Variants in ZNF726 observed in about 807,000 individuals in gnomAD.
ZNF726 encodes the protein zinc finger protein 92 pseudogene 3.
In ZNF726, 15 loss-of-function variants were observed where a neutral mutation model predicts 11.6. The ratio of observed to expected loss-of-function variants is 1.29; its 90% CI spans 0.86 to 1.99. The LOEUF is 1.99. ZNF726 is among the 30% of genes most tolerant of loss of function. ZNF726 has a pLI of 0.00. For synonymous variants in ZNF726, 295 were observed against 243.6 expected (o/e 1.21, Z -1.96); for missense variants, 890 against 725.6 (o/e 1.23, Z -2.60).
intron 3 of ZNF726, among the ~76,000 whole-genome samples, chr19:23,926,534 C>T (rs1449010733): frequency 2.1e-5 from 3 of 145,624 alleles, no homozygotes; most frequent in Middle Eastern, 3.6e-3. Context: ...ACCTGGGCTG[C>T]ACTCCAGCCT....
chr19:23,924,638 A>C (rs1967938946), intron 3 of ZNF726, among the ~76,000 whole-genome samples: 1 of 152,186 alleles, frequency 6.6e-6, no homozygotes, highest in African/African-American at 2.4e-5. Flanking sequence ...CTGTAAAACC[A>C]GGATTTTGAG....
At chr19:23,931,739 AAG>A (rs1968110389) in intron 3 of ZNF726, among the ~76,000 whole-genome samples, 1 of 152,130 alleles carries the variant, frequency 6.6e-6, no homozygotes, top group Non-Finnish European at 1.5e-5. Context: ...GTTTTTAGTT[AAG>A]AGAGTTTATT....
At chr19:23,931,765 A>G (rs557654777) in intron 3 of ZNF726, among the ~76,000 whole-genome samples, 3 of 152,236 alleles carry the variant, frequency 2.0e-5, no homozygotes, top group African/African-American at 2.4e-5. Flanking sequence ...ATTACTTTGT[A>G]GGAGTCAGTA....
intron 1 of ZNF726, among the ~76,000 whole-genome samples, chr19:23,917,493 GAAAAA>G (rs11297783): frequency 7.1e-6 from 1 of 139,920 alleles, no homozygotes; most frequent in African/African-American, 2.6e-5. Context: ...AAGAAAAAAA[GAAAAA>G]AAAAAAAAAT....
intron 3 of ZNF726, among the ~76,000 whole-genome samples, chr19:23,930,290 T>C (rs557837648): frequency 3.9e-5 from 6 of 152,324 alleles, no homozygotes; most frequent in South Asian, 4.1e-4. Flanking sequence ...GTTATTTTTT[T>C]CCCATATTCT....
intron 2 of ZNF726, 159 bp from the exon 3 acceptor site, chr19:23,919,824 AAAAT>A: frequency 2.1e-6 from 1 of 486,524 alleles, no homozygotes; most frequent in Non-Finnish European, 3.2e-6. Context: ...AAGAACCTAC[AAAAT>A]TAAAATATTC....
At chr19:23,934,924 T>C (rs1374888181), downstream of ZNF726, among the ~76,000 whole-genome samples, 2 of 152,202 alleles carry the variant, frequency 1.3e-5, no homozygotes, top group South Asian at 2.1e-4. Flanking sequence ...GCCAGCTGCT[T>C]AGGGGCATTT....
chr19:23,927,618 A>T (rs1012599224), intron 3 of ZNF726, among the ~76,000 whole-genome samples: 5 of 152,142 alleles, frequency 3.3e-5, no homozygotes, highest in African/African-American at 1.2e-4. Flanking sequence ...CAGTGTCTCC[A>T]GTAGTTGGGA....
At position 23,920,183 on chromosome 19, in the gene ZNF726, A is replaced by G. The variant is rs534540960; in HGVS notation, c.226+101A>G. 1.2e-4 allele frequency: 96 copies of G among 808,680 alleles called. No individual in the cohort carries two copies. In the Admixed American group the frequency reaches 2.4e-3, roughly 21 times the overall value. 50.1% of individuals were successfully genotyped at this position (808,680 alleles called of 1,614,324 possible). On this transcript the variant is annotated intron_variant, in intron 3 of 3. Coordinates refer to ENST00000594466, the MANE Select transcript of ZNF726 (RefSeq NM_001244038.2). Reference sequence around the variant, plus strand: ...TTTGGAAAGCTGCATTCCAAAGGAAACCGTTTCTGGAAAGCCTGAAATTTA... The same window carrying G: ...TTTGGAAAGCTGCATTCCAAAGGAAGCCGTTTCTGGAAAGCCTGAAATTTA...
At chr19:23,944,635 A>ATT (rs56892863) in intron 4 of ZNF726, 8 of 181,516 alleles carry the variant, frequency 4.4e-5, no homozygotes, top group Non-Finnish European at 8.7e-5. Context: ...CCTGTTGATT[A>ATT]TTTTTTTTGC....
At position 23,916,336 on chromosome 19, in the gene ZNF726, A is replaced by T. The variant is rs370630618; in HGVS notation, c.3+1339A>T. Among the ~76,000 whole-genome samples, 890 of 148,438 alleles carry T rather than the reference A, an allele frequency of 6.0e-3. 2 individuals are homozygous for T. Among genetic ancestry groups the T allele is most frequent in the African/African-American group, 0.012 (501 of 40,236 alleles). On this transcript the variant is annotated intron_variant, in intron 1 of 3. Coordinates refer to ENST00000594466, the MANE Select transcript of ZNF726 (RefSeq NM_001244038.2). ...TTTTAATGAATCTTTTTTTTTTTTT[A>T]AAAGTATTTGAGACAGAGCCTTGCT... is the stretch of plus-strand genomic sequence containing the variant.
At chr19:23,943,398 G>A in intron 3 of ZNF726, 1 of 432,610 alleles carries the variant, frequency 2.3e-6, no homozygotes, top group South Asian at 8.2e-5. Context: ...AATTAAATAT[G>A]TAGAAGCTTT....
At position 23,932,620 on chromosome 19, in the gene ZNF726, TAGAA is replaced by T. The variant is rs1352718167; in HGVS notation, c.510_513del (p.Lys170AsnfsTer79). On this transcript the variant is annotated frameshift_variant, in exon 4 of 4. Coordinates refer to ENST00000594466, the MANE Select transcript of ZNF726 (RefSeq NM_001244038.2). LOFTEE classifies it low-confidence loss of function (END_TRUNC). The stretch of plus-strand genomic sequence containing the variant: ...TAAACAGATATAAGATAAGACATAC[TAGAA>T]AGAAACCTTTCAAATGTAAAAATTG... 1 of 1,545,142 alleles carries T rather than the reference TAGAA, an allele frequency of 6.5e-7. No homozygotes were observed. Among genetic ancestry groups the T allele is most frequent in the Admixed American group, 2.1e-5 (1 of 48,168 alleles).
chr19:23,940,090 C>T (rs1397981865), intron 3 of ZNF726, among the ~76,000 whole-genome samples: 1 of 151,874 alleles, frequency 6.6e-6, no homozygotes, highest in African/African-American at 2.4e-5. Context: ...AAATTTTTGC[C>T]TAGCCAATGC....
Position 23,932,984 on chromosome 19 carries a change from T to C in ZNF726, c.868T>C (p.Cys290Arg), listed in dbSNP as rs187581684. 3.5e-5 allele frequency: 57 copies of C among 1,612,574 alleles called. No individual in the cohort carries two copies. In the African/African-American group the frequency reaches 7.2e-4, roughly 20 times the overall value. ...AGAGAAACCCTGCAAATGTGAAGAA[T>C]GTGGCAAAGCATTTAGCCAACCCTC... The part of the protein sequence containing the change: ...TGEKPCKCEE[C>R]GKAFSQPSAL... Residue 290 changes from cysteine to arginine, a missense_variant, in exon 4 of 4, where the codon TGT becomes CGT. Transcript: ENST00000594466.
chr19:23,929,101 A>G, intron 3 of ZNF726: 1 of 152,144 alleles, frequency 6.6e-6, no homozygotes. Flanking sequence ...AGTTTAATTT[A>G]TATTTAAAAT....
downstream of ZNF726, among the ~76,000 whole-genome samples, chr19:23,937,679 G>A (rs1162209412): frequency 6.6e-6 from 1 of 151,910 alleles, no homozygotes; most frequent in African/African-American, 2.4e-5. Context: ...CCAGGCAGAG[G>A]GGCTCCTCAC....
rs1599451070 is a variant in ZNF726 at position 23,918,985 on chromosome 19, A to G, written c.4-388A>G. On this transcript the variant is annotated intron_variant, in intron 1 of 3. Transcript: ENST00000594466. ...TGTCCAGTTTATTGTACACATTTAAATTTGAGTGGTACCTTCTAACTCAAC... is the reference window on the plus strand; with the variant it reads ...TGTCCAGTTTATTGTACACATTTAAGTTTGAGTGGTACCTTCTAACTCAAC... 3 of 190,308 alleles carry G rather than the reference A, an allele frequency of 1.6e-5. No homozygotes were observed. The Admixed American group carries it at 1.7e-4, about 11-fold the overall frequency. The allele number at this position is 190,308 out of a possible 1,614,324, so 11.8% of individuals were successfully genotyped here.
downstream of ZNF726, chr19:23,935,856 G>A (rs533743962): frequency 6.5e-6 from 1 of 152,894 alleles, no homozygotes; most frequent in South Asian, 2.1e-4. Flanking sequence ...AGTTCATACT[G>A]AATAAAAGCA....
Sources: allele counts gnomAD v4.1 joint callset (sites outside exome capture counted in the v4.1 genomes callset), GRCh38; gene constraint gnomAD v4.1.1; transcripts MANE v1.5; gene names NCBI Gene and HGNC (gene_info 2026-07-23, HGNC 2026-07-21).